KCNIP4: variants seen among roughly 807,000 people sequenced by gnomAD.
The protein encoded by KCNIP4 is Kv channel-interacting protein 4.
KCNIP4 carries 12 observed loss-of-function variants against 34.0 expected under a neutral mutation model. That is an observed-to-expected ratio of 0.35 (90% CI 0.23 to 0.57). The LOEUF (loss-of-function observed/expected upper bound fraction) is 0.57, where lower values mean the gene tolerates loss of function less well. KCNIP4 is among the 20% of genes least tolerant of loss of function. The pLI is 0.83. For missense variants in KCNIP4, 238 were observed against 311.7 expected (o/e 0.76, Z 1.78); for synonymous variants, 124 against 102.2 (o/e 1.21, Z -1.29).
chr4:21,150,430 G>T (rs894685891), intron 1 of KCNIP4, among the ~76,000 whole-genome samples: 1 of 144,860 alleles, frequency 6.9e-6, no homozygotes, highest in African/African-American at 2.9e-5. Flanking sequence ...TTCTGGGATG[G>T]CTCCCCTGAC....
intron 1 of KCNIP4, among the ~76,000 whole-genome samples, chr4:21,048,942 ATC>A (rs1577596452): frequency 7.6e-6 from 1 of 130,742 alleles, no homozygotes. Context: ...CCTTCTGTTT[ATC>A]TTTTTTTTTT....
intron 1 of KCNIP4, among the ~76,000 whole-genome samples, chr4:21,318,618 C>T (rs966407975): frequency 1.2e-4 from 19 of 152,048 alleles, no homozygotes; most frequent in African/African-American, 3.1e-4. Flanking sequence ...ATAGTGGAAG[C>T]GAAAACGACA....
intron 1 of KCNIP4, among the ~76,000 whole-genome samples, chr4:21,311,763 C>T (rs965809234): frequency 6.6e-6 from 1 of 152,090 alleles, no homozygotes; most frequent in African/African-American, 2.4e-5. Context: ...TCTTTGTCAC[C>T]TTCCATTCTG....
At chr4:20,753,789 T>C (rs911751892) in intron 4 of KCNIP4, among the ~76,000 whole-genome samples, 5 of 152,208 alleles carry the variant, frequency 3.3e-5, no homozygotes, top group South Asian at 4.1e-4. Flanking sequence ...GGGTGAAGTC[T>C]TTTTTAAATT....
rs542897478 is a variant in KCNIP4, at chr4:20,795,366, C to T, written c.289-36476G>A. ...GGCTATAAATGTATTAAAATACATC[C>T]GAAGCCTATAGCCCTAAATAATGTA... On this transcript the variant is annotated intron_variant, in intron 3 of 8. Coordinates refer to ENST00000382152, the MANE Select transcript of KCNIP4 (RefSeq NM_025221.6). Among the ~76,000 whole-genome samples the T allele has an allele frequency of 1.3e-3, 199 of 152,170 alleles. 4 individuals are homozygous for T. In the South Asian group the frequency reaches 0.039, roughly 30 times the overall value.
At chr4:21,591,037 T>A (rs1269414570) in intron 1 of KCNIP4, among the ~76,000 whole-genome samples, 2 of 151,940 alleles carry the variant, frequency 1.3e-5, no homozygotes, top group Non-Finnish European at 2.9e-5. Flanking sequence ...GGTATTTAGA[T>A]GTTTGAAAAA....
At chr4:21,546,893 A>G (rs77663132) in intron 1 of KCNIP4, among the ~76,000 whole-genome samples, 2,371 of 152,280 alleles carry the variant, frequency 0.016, 24 homozygotes, top group Non-Finnish European at 0.024. Flanking sequence ...GCAGAACTAA[A>G]AACTCCAGAA....
At chr4:21,455,384 CT>C (rs1213416635) in intron 1 of KCNIP4, among the ~76,000 whole-genome samples, 19 of 152,112 alleles carry the variant, frequency 1.2e-4, no homozygotes, top group African/African-American at 4.6e-4. Flanking sequence ...CTTTGCTTTG[CT>C]TTCCTGAATG....
intron 1 of KCNIP4, among the ~76,000 whole-genome samples, chr4:21,754,545 G>A (rs944110320): frequency 6.6e-6 from 1 of 152,182 alleles, no homozygotes; most frequent in Non-Finnish European, 1.5e-5. Context: ...AGGAGGATAA[G>A]AAATTTGCCT....
intron 1 of KCNIP4, among the ~76,000 whole-genome samples, chr4:21,943,977 A>T (rs4634206): frequency 1.3e-5 from 2 of 150,570 alleles, no homozygotes; most frequent in African/African-American, 2.4e-5. Context: ...TTTTAACAAC[A>T]TGCCTCAAAA....
intron 1 of KCNIP4, chr4:21,848,946 A>ATGTG (rs58096642): frequency 0.36 from 45,706 of 127,916 alleles, 8,294 homozygotes; most frequent in Non-Finnish European, 0.49. Flanking sequence ...ATATACATAT[A>ATGTG]TGTGTGTGTG....
chr4:21,408,987 C>T (rs1157850048), intron 1 of KCNIP4, among the ~76,000 whole-genome samples: 1 of 151,896 alleles, frequency 6.6e-6, no homozygotes, highest in Non-Finnish European at 1.5e-5. Flanking sequence ...CTATTGGGCA[C>T]TTTAAATGTG....
intron 1 of KCNIP4, among the ~76,000 whole-genome samples, chr4:21,751,701 G>A (rs1012589921): frequency 6.7e-6 from 1 of 150,224 alleles, no homozygotes; most frequent in Non-Finnish European, 1.5e-5. Flanking sequence ...ATGTGTCCAA[G>A]TTTTAGAAAT....
chr4:21,633,873 A>G (rs1180575997), intron 1 of KCNIP4, among the ~76,000 whole-genome samples: 1 of 152,096 alleles, frequency 6.6e-6, no homozygotes, highest in Admixed American at 6.6e-5. Context: ...AATTGTGAAG[A>G]TTGGCATTGC....
intron 1 of KCNIP4, among the ~76,000 whole-genome samples, chr4:21,947,779 G>A (rs910868098): frequency 2.0e-5 from 3 of 151,990 alleles, no homozygotes; most frequent in Non-Finnish European, 4.4e-5. Flanking sequence ...TTCTCTTTCC[G>A]GCTCCTGTAA....
chr4:20,860,982 G>T (rs1403469593), intron 2 of KCNIP4, among the ~76,000 whole-genome samples: 1 of 152,092 alleles, frequency 6.6e-6, no homozygotes, highest in Non-Finnish European at 1.5e-5. Flanking sequence ...ACTTGTAGAG[G>T]GATGACAACA....
chr4:21,674,168 A>G (rs1749708243), intron 1 of KCNIP4, among the ~76,000 whole-genome samples: 1 of 152,158 alleles, frequency 6.6e-6, no homozygotes, highest in South Asian at 2.1e-4. Context: ...ATATGTATTG[A>G]ATTTGTGTCT....
chr4:20,943,682 C>A (rs558204808), intron 1 of KCNIP4, among the ~76,000 whole-genome samples: 1 of 152,026 alleles, frequency 6.6e-6, no homozygotes, highest in Admixed American at 6.6e-5. Flanking sequence ...TGGTTTTGAA[C>A]CCCAGGTGTC....
chr4:21,105,753 A>G (rs1221182045), intron 1 of KCNIP4, among the ~76,000 whole-genome samples: 1 of 151,458 alleles, frequency 6.6e-6, no homozygotes, highest in East Asian at 1.9e-4. Flanking sequence ...AGCTCTTATT[A>G]TTTTGAGATA....
Sources: gnomAD v4.1 joint callset for allele counts (sites outside exome capture counted in the v4.1 genomes callset) on GRCh38, gnomAD v4.1.1 for gene constraint, MANE v1.5 for transcripts, NCBI Gene and HGNC (gene_info 2026-07-23, HGNC 2026-07-21) for gene names.